ZMYND11: variants seen among roughly 807,000 people sequenced by gnomAD.
ZMYND11 encodes the protein zinc finger MYND-type containing 11.
Under a neutral mutation model 84.9 loss-of-function variants are expected in ZMYND11, and 9 were observed. The observed-to-expected ratio is 0.11, with a 90% CI of 0.06 to 0.18. The LOEUF (loss-of-function observed/expected upper bound fraction) is 0.18. ZMYND11 is among the 10% of genes least tolerant of loss of function. The pLI is 1.00. For missense variants in ZMYND11, 409 were observed against 761.0 expected (o/e 0.54, Z 5.44); for synonymous variants, 250 against 244.1 (o/e 1.02, Z -0.23).
intron 1 of ZMYND11, among the ~76,000 whole-genome samples, chr10:151,748 C>T (rs961881145): frequency 7.2e-5 from 11 of 152,054 alleles, no homozygotes; most frequent in Admixed American, 3.9e-4. Flanking sequence ...AGAGCAACTC[C>T]GAGACACATA....
At chr10:234,428 ATATT>A (rs1437461099) in intron 4 of ZMYND11, among the ~76,000 whole-genome samples, 5 of 152,358 alleles carry the variant, frequency 3.3e-5, no homozygotes, top group East Asian at 1.9e-4. Flanking sequence ...GCTGTGCATG[ATATT>A]TAGTGAATAT....
At chr10:241,887 C>T in intron 9 of ZMYND11, 134 bp from the exon 10 acceptor site, 3 of 1,105,974 alleles carry the variant, frequency 2.7e-6, no homozygotes, top group South Asian at 1.7e-5. Context: ...GAAAAAAAAT[C>T]TCGTATGTGT....
At chr10:146,895 G>A (rs1411064180) in intron 1 of ZMYND11, among the ~76,000 whole-genome samples, 1 of 152,240 alleles carries the variant, frequency 6.6e-6, no homozygotes, top group Admixed American at 6.5e-5. Flanking sequence ...CAGCATGTAA[G>A]ACATGCCTTT....
At chr10:165,622 C>T (rs1843826121) in intron 1 of ZMYND11, among the ~76,000 whole-genome samples, 1 of 152,090 alleles carries the variant, frequency 6.6e-6, no homozygotes, top group South Asian at 2.1e-4. Context: ...AGTGTAACAC[C>T]CTGGGAAAAC....
chr10:247,025 G>C, intron 11 of ZMYND11, 52 bp downstream of exon 11: 1 of 1,491,440 alleles, frequency 6.7e-7, no homozygotes, highest in South Asian at 1.2e-5. Flanking sequence ...TTTAAATGCA[G>C]AAATCTTAGT....
At chr10:141,261 A>G (rs1837432713) in intron 1 of ZMYND11, among the ~76,000 whole-genome samples, 1 of 152,218 alleles carries the variant, frequency 6.6e-6, no homozygotes, top group Admixed American at 6.5e-5. Context: ...GACCCCATTT[A>G]TTAATACATT....
At position 135,748 on chromosome 10, in the gene ZMYND11, C is replaced by T. The variant is rs1321668378; in HGVS notation, c.-20+189C>T. On this transcript the variant is annotated intron_variant, in intron 1 of 14. Coordinates refer to ENST00000381604, the MANE Select transcript of ZMYND11 (RefSeq NM_001370100.5). This position sits in a 1 kb window ranked among gnomAD's most constrained non-coding sequence, Gnocchi z 5.6. ...GGAGCTTTGTGGATGGCGGGGCGGG[C>T]CGGGCCGGCGGGGCCTGCGAGGGCG... Among the ~76,000 whole-genome samples the T allele has an allele frequency of 2.0e-5, 3 of 146,944 alleles. No individual in the cohort carries two copies. The highest frequency in any genetic ancestry group is 4.5e-5 in the Non-Finnish European group (3 of 65,992).
At chr10:193,337 C>G (rs1940928415) in intron 2 of ZMYND11, among the ~76,000 whole-genome samples, 1 of 152,170 alleles carries the variant, frequency 6.6e-6, no homozygotes, top group African/African-American at 2.4e-5. Context: ...GGGGCCCTTA[C>G]AGCATTCCAT....
chr10:207,136 A>G (rs950186019), intron 2 of ZMYND11, among the ~76,000 whole-genome samples: 13 of 152,010 alleles, frequency 8.6e-5, no homozygotes, highest in South Asian at 8.3e-4. Context: ...ATGATTTCCA[A>G]TTTCATCCAT....
At chr10:163,663 T>A (rs1843389538) in intron 1 of ZMYND11, among the ~76,000 whole-genome samples, 1 of 152,168 alleles carries the variant, frequency 6.6e-6, no homozygotes, top group Non-Finnish European at 1.5e-5. Flanking sequence ...CTGTTTTTAA[T>A]TCCTCCTTCT....
intron 1 of ZMYND11, among the ~76,000 whole-genome samples, chr10:161,038 T>C (rs1842851091): frequency 6.9e-6 from 1 of 144,884 alleles, no homozygotes; most frequent in East Asian, 2.1e-4. Context: ...CAGGGCTGAC[T>C]GCAGCCTTGA....
intron 4 of ZMYND11, among the ~76,000 whole-genome samples, chr10:232,197 C>A (rs1385125918): frequency 6.6e-6 from 1 of 152,194 alleles, no homozygotes; most frequent in Admixed American, 6.5e-5. Flanking sequence ...TTTCTCAAGT[C>A]ATTGAAAATG....
intron 1 of ZMYND11, among the ~76,000 whole-genome samples, chr10:176,613 CT>C (rs1187236924): frequency 1.3e-5 from 2 of 152,006 alleles, no homozygotes; most frequent in Non-Finnish European, 2.9e-5. Flanking sequence ...TAAAACAATT[CT>C]TTTGAGGAAT....
At chr10:241,967 C>T in intron 9 of ZMYND11, 54 bp from the exon 10 acceptor site, 1 of 1,580,532 alleles carries the variant, frequency 6.3e-7, no homozygotes, top group Non-Finnish European at 8.7e-7. Context: ...TAATGGTACA[C>T]TTGCATTTAA....
intron 2 of ZMYND11, among the ~76,000 whole-genome samples, chr10:205,232 A>G (rs1943919425): frequency 6.6e-6 from 1 of 152,212 alleles, no homozygotes; most frequent in Non-Finnish European, 1.5e-5. Context: ...TTATAAAATC[A>G]TAGTGTTTAT....
At chr10:225,274 C>T (rs989020377) in intron 4 of ZMYND11, among the ~76,000 whole-genome samples, 6 of 152,174 alleles carry the variant, frequency 3.9e-5, no homozygotes, top group African/African-American at 1.4e-4. Flanking sequence ...CCATGTACAT[C>T]AACAGCACAT....
intron 4 of ZMYND11, among the ~76,000 whole-genome samples, chr10:222,699 A>G (rs1947338445): frequency 6.6e-6 from 1 of 152,064 alleles, no homozygotes; most frequent in Non-Finnish European, 1.5e-5. Context: ...TAGAAAATTA[A>G]TGAGATCAAA....
chr10:236,762 T>C, intron 4 of ZMYND11, 76 bp from the exon 5 acceptor site: 1 of 1,257,244 alleles, frequency 8.0e-7, no homozygotes, highest in Non-Finnish European at 1.1e-6. Flanking sequence ...AAGTGTTTCA[T>C]ATATGTCTTT....
chr10:240,512 C>CAA (rs1017518677), intron 8 of ZMYND11, among the ~76,000 whole-genome samples: 2 of 151,676 alleles, frequency 1.3e-5, no homozygotes, highest in Non-Finnish European at 2.9e-5. Flanking sequence ...CAAAACAAAA[C>CAA]AAAAAAAGGT....
Sources: allele counts gnomAD v4.1 joint callset (sites outside exome capture counted in the v4.1 genomes callset), GRCh38; gene constraint gnomAD v4.1.1; non-coding constraint Gnocchi (gnomAD v3.1); transcripts MANE v1.5; gene names NCBI Gene and HGNC (gene_info 2026-07-23, HGNC 2026-07-21).